Variants in PTPN21 observed in about 807,000 individuals in gnomAD.
PTPN21 encodes the protein protein tyrosine phosphatase non-receptor type 21.
PTPN21 carries 77 observed loss-of-function variants against 131.8 expected under a neutral mutation model. The ratio of observed to expected loss-of-function variants is 0.58; its 90% CI spans 0.49 to 0.71. The LOEUF (loss-of-function observed/expected upper bound fraction) is 0.71, where lower values mean the gene tolerates loss of function less well. Among genes scored for constraint, PTPN21 ranks in the 30% least tolerant of loss-of-function variants. The pLI is 0.00. For missense variants in PTPN21, 1,552 were observed against 1,527.1 expected (o/e 1.02, Z -0.27); for synonymous variants, 715 against 621.3 (o/e 1.15, Z -2.24).
At chr14:88,477,673 G>A (rs1023143510) in intron 13 of PTPN21, among the ~76,000 whole-genome samples, 1 of 152,080 alleles carries the variant, frequency 6.6e-6, no homozygotes, top group African/African-American at 2.4e-5. Flanking sequence ...GCGATGGGGG[G>A]AGGAGAACCC....
At chr14:88,489,592 G>C (rs1595363022) in intron 10 of PTPN21, among the ~76,000 whole-genome samples, 1 of 152,274 alleles carries the variant, frequency 6.6e-6, no homozygotes, top group African/African-American at 2.4e-5. Flanking sequence ...TGAGGTTACA[G>C]TGAGCTATGA....
At chr14:88,509,807 G>A (rs775420321) in intron 3 of PTPN21, among the ~76,000 whole-genome samples, 32 of 152,328 alleles carry the variant, frequency 2.1e-4, no homozygotes, top group East Asian at 5.8e-4. Flanking sequence ...AAGCCAAGGC[G>A]GGCGGATCAC....
At chr14:88,526,451 G>A (rs1438461555) in intron 2 of PTPN21, among the ~76,000 whole-genome samples, 3 of 149,374 alleles carry the variant, frequency 2.0e-5, no homozygotes, top group Non-Finnish European at 3.0e-5. Context: ...TCCGGAGGCT[G>A]AGGCAGGAGA....
chr14:88,536,702 C>G (rs1289579705), intron 2 of PTPN21, among the ~76,000 whole-genome samples: 1 of 152,162 alleles, frequency 6.6e-6, no homozygotes, highest in Non-Finnish European at 1.5e-5. Context: ...CAGAAATTAG[C>G]TGAAGGGTTT....
rs369022409 is a variant in PTPN21, at chr14:88,477,446, T to TCAAAAAAAAA, written c.2511+1473_2511+1474insTTTTTTTTTG. ...CCTGGGCAACAGGGCAAGACTGTTC[T>TCAAAAAAAAA]AAAAAAAAAAAAAAAAAAAAAAAAG... is the stretch of plus-strand genomic sequence containing the variant. On this transcript the variant is annotated intron_variant, in intron 13 of 18. Coordinates refer to ENST00000556564, the MANE Select transcript of PTPN21 (RefSeq NM_007039.4). Among the ~76,000 whole-genome samples, 199 of 76,362 alleles carry TCAAAAAAAAA rather than the reference T, an allele frequency of 2.6e-3. 17 individuals carry two copies. Among genetic ancestry groups the TCAAAAAAAAA allele is most frequent in the South Asian group, 4.8e-3 (7 of 1,458 alleles). The allele number at this position is 76,362 out of a possible 152,430, so 50.1% of individuals were successfully genotyped here. A position where few individuals can be genotyped will look rare whatever the true frequency, so the allele number is the denominator to read the frequency against.
chr14:88,492,847 C>G, intron 10 of PTPN21: 1 of 294,680 alleles, frequency 3.4e-6, no homozygotes, highest in South Asian at 3.0e-5. Flanking sequence ...TCCCATTGTT[C>G]ACTAAGCCCT....
Position 88,500,397 on chromosome 14 carries a change from T to C in PTPN21, c.764+386A>G, listed in dbSNP as rs192159231. ...GTGAGTGGTGACTGTACCACTGCAC[T>C]CTAGCCTGGGCAACAGAGTGAGACC... is the stretch of plus-strand genomic sequence containing the variant. On this transcript the variant is annotated intron_variant, in intron 8 of 18. Coordinates refer to ENST00000556564, the MANE Select transcript of PTPN21 (RefSeq NM_007039.4). Among the ~76,000 whole-genome samples the C allele has an allele frequency of 1.2e-3, 176 of 152,224 alleles. 4 individuals carry two copies. Among genetic ancestry groups the C allele is most frequent in the African/African-American group, 4.0e-3 (166 of 41,552 alleles).
At chr14:88,529,426 CT>C (rs2078523756) in intron 2 of PTPN21, among the ~76,000 whole-genome samples, 1 of 151,878 alleles carries the variant, frequency 6.6e-6, no homozygotes, top group Admixed American at 6.6e-5. Context: ...GGTCTGTAGC[CT>C]TTTTTGGAAC....
chr14:88,469,486 T>TA lies in PTPN21; in HGVS notation c.3235+12dup. On this transcript the variant is annotated intron_variant, in intron 17 of 18. Transcript: ENST00000556564. The surrounding 1 kb of genome is among the most constrained non-coding windows in gnomAD (Gnocchi z 4.3). ...GAGGCAGCTGTCCTCGGAACAAAGT[T>TA]AAAGTCACTCACATAAAAATCCCTT... 1.3e-6 allele frequency: 2 copies of TA among 1,594,822 alleles called. No homozygotes were observed. The highest frequency in any genetic ancestry group is 2.2e-5 in the South Asian group (2 of 90,696).
Position 88,468,088 on chromosome 14 carries a change from TA to T in PTPN21, c.*48del. Reference sequence around the variant, plus strand: ...ATGAGTTAGGCAAGCGCTTTTTTTTTAAGCTGTAAACGCTTCACATGACTGG... The same window carrying T: ...ATGAGTTAGGCAAGCGCTTTTTTTTTAGCTGTAAACGCTTCACATGACTGG... On this transcript the variant is annotated 3_prime_UTR_variant, in exon 19 of 19. Coordinates refer to ENST00000556564, the MANE Select transcript of PTPN21 (RefSeq NM_007039.4). 1 of 1,599,682 alleles carries T rather than the reference TA, an allele frequency of 6.3e-7. No homozygotes were observed. The highest frequency in any genetic ancestry group is 8.5e-7 in the Non-Finnish European group (1 of 1,170,966).
At position 88,472,375 on chromosome 14, in the gene PTPN21, A is replaced by G; in HGVS notation, c.2740T>C (p.Ser914Pro). 1 of 1,613,780 alleles carries G rather than the reference A, an allele frequency of 6.2e-7. No individual in the cohort carries two copies. The highest frequency in any genetic ancestry group is 8.5e-7 in the Non-Finnish European group (1 of 1,179,694). ...LKKRLVDGEC[S>P]TARLPENAER... ...GCATTTTCAGGGAGTCGTGCTGTTGAGCACTCCCCATCAACTAGCCGTTTC... is the reference window on the plus strand; with the variant it reads ...GCATTTTCAGGGAGTCGTGCTGTTGGGCACTCCCCATCAACTAGCCGTTTC... Residue 914 changes from serine (S) to proline (P), a missense_variant, in exon 15 of 19, where the codon TCA becomes CCA. This residue lies in a region of PTPN21 where 316 missense variants were observed against 378.5 expected (regional missense o/e 0.83). Coordinates refer to ENST00000556564, the MANE Select transcript of PTPN21 (RefSeq NM_007039.4).
Position 88,550,526 on chromosome 14 carries a change from G to A in PTPN21, c.-109C>T, listed in dbSNP as rs574799748. The A allele has an allele frequency of 3.7e-6, 4 of 1,077,094 alleles. No homozygotes were observed. The highest frequency in any genetic ancestry group is 2.8e-4 in the Middle Eastern group (1 of 3,588). The allele number at this position is 1,077,094 out of a possible 1,614,324, so 66.7% of individuals were successfully genotyped here. A position where few individuals can be genotyped will look rare whatever the true frequency, so the allele number is the denominator to read the frequency against. On this transcript the variant is annotated 5_prime_UTR_variant, in exon 2 of 19. Transcript: ENST00000556564. ...ATCCTCTCCGGATGGGACGAACACT[G>A]TCCGGCCTCCAGCTGCTCACCCAGC... is the stretch of plus-strand genomic sequence containing the variant.
At chr14:88,490,404 A>G (rs1191294653) in intron 10 of PTPN21, among the ~76,000 whole-genome samples, 1 of 152,066 alleles carries the variant, frequency 6.6e-6, no homozygotes, top group African/African-American at 2.4e-5. Flanking sequence ...CCAGGGGTCC[A>G]TGTCCCCATA....
Position 88,497,200 on chromosome 14 carries a change from C to T in PTPN21, c.852+3G>A, listed in dbSNP as rs113366524. On this transcript the variant is annotated splice_donor_region_variant and intron_variant, in intron 9 of 18. Coordinates refer to ENST00000556564, the MANE Select transcript of PTPN21 (RefSeq NM_007039.4). Reference sequence around the variant, plus strand: ...TCCATGCAGACCCCTAATGTTTACTCACAGTTTGAAATTGAATGGTCTCCT... The same window carrying T: ...TCCATGCAGACCCCTAATGTTTACTTACAGTTTGAAATTGAATGGTCTCCT... 50 of 1,592,874 alleles carry T rather than the reference C, an allele frequency of 3.1e-5. No individual in the cohort carries two copies. In the African/African-American group the frequency reaches 5.5e-4, roughly 18 times the overall value.
chr14:88,483,219 A>C (rs2077679351), intron 12 of PTPN21, among the ~76,000 whole-genome samples: 1 of 151,864 alleles, frequency 6.6e-6, no homozygotes, highest in South Asian at 2.1e-4. Context: ...CTCCAAAAAA[A>C]AAAAAAAAAA....
intron 2 of PTPN21, among the ~76,000 whole-genome samples, chr14:88,539,476 G>A (rs181205935): frequency 2.0e-5 from 3 of 152,110 alleles, no homozygotes; most frequent in East Asian, 1.9e-4. Context: ...TCCAATTCCC[G>A]ACCTCAGGTG....
chr14:88,479,063 C>G lies in PTPN21; in HGVS notation c.2368G>C (p.Gly790Arg), dbSNP rs3825676. 0.018 allele frequency: 28,802 copies of G among 1,606,524 alleles called. 384 individuals carry two copies. The highest frequency in any genetic ancestry group is 0.049 in the South Asian group (4,398 of 90,270). The change falls in exon 13 of 19, where the codon GGG (glycine) becomes CGG (arginine). Residue 790 changes from glycine (G) to arginine (R), a missense_variant. This residue lies in a region of PTPN21 where 1,016 missense variants were observed against 883.5 expected (regional missense o/e 1.15). Transcript: ENST00000556564. ...TAEAQRPWRD[G>R]LLMPSMSESD... ...TCCGACATGGAGGGCATCAGCAGCC[C>G]GTCTCTCCAGGGCCGCTGGGCCTCT...
intron 13 of PTPN21, among the ~76,000 whole-genome samples, chr14:88,475,145 T>C (rs1464247296): frequency 6.6e-6 from 1 of 152,038 alleles, no homozygotes; most frequent in Non-Finnish European, 1.5e-5. Flanking sequence ...CCTTGGATGA[T>C]ATCAATATAA....
At chr14:88,515,242 T>C (rs2078249614) in intron 3 of PTPN21, 1 of 152,186 alleles carries the variant, frequency 6.6e-6, no homozygotes, top group Admixed American at 6.5e-5. Flanking sequence ...CCGATACAAC[T>C]TCTCTATCAG....
Sources: allele counts gnomAD v4.1 joint callset (sites outside exome capture counted in the v4.1 genomes callset), GRCh38; gene constraint gnomAD v4.1.1; regional missense constraint gnomAD v4.1.1; non-coding constraint Gnocchi (gnomAD v3.1); transcripts MANE v1.5; gene names NCBI Gene and HGNC (gene_info 2026-07-23, HGNC 2026-07-21).